ANK1: variants seen among roughly 807,000 people sequenced by gnomAD.
ANK1 encodes ankyrin-1.
ANK1 carries 51 observed loss-of-function variants against 210.4 expected under a neutral mutation model. That is an observed-to-expected ratio of 0.24 (90% CI 0.19 to 0.31). The LOEUF is 0.31. Ranked by LOEUF, ANK1 falls within the 10% of genes least tolerant of loss-of-function variation. ANK1 has a pLI of 1.00. For missense variants in ANK1, 2,051 were observed against 2,504.4 expected, an observed-to-expected ratio of 0.82 and a Z score of 3.86; for synonymous variants, 967 against 1,025.9, an observed-to-expected ratio of 0.94 and a Z score of 1.10.
chr8:41,773,414 G>T (rs3886945), intron 1 of ANK1, among the ~76,000 whole-genome samples: 68,291 of 151,866 alleles, frequency 0.45, 16,314 homozygotes, highest in African/African-American at 0.62. Context: ...GGGAGGGAAG[G>T]GGGGAGGCAC....
intron 12 of ANK1, 124 bp from the exon 13 acceptor site, chr8:41,717,175 C>T: frequency 1.1e-6 from 1 of 931,024 alleles, no homozygotes; most frequent in Non-Finnish European, 1.7e-6. Context: ...GGAGTTGCCC[C>T]AGCAGGCAGC....
At chr8:41,836,525 AGGT>A (rs964724449) in intron 1 of ANK1, among the ~76,000 whole-genome samples, 4 of 152,142 alleles carry the variant, frequency 2.6e-5, no homozygotes, top group African/African-American at 9.7e-5. Flanking sequence ...CCCTCCCCTG[AGGT>A]GGTGGTGGGC....
At chr8:41,849,060 C>T (rs1235969306) in intron 1 of ANK1, among the ~76,000 whole-genome samples, 2 of 152,226 alleles carry the variant, frequency 1.3e-5, no homozygotes, top group Non-Finnish European at 2.9e-5. Flanking sequence ...GAATCAAACC[C>T]AAAGAGAATT....
rs774681379 is a variant in ANK1, at chr8:41,654,815, T to C, written c.*975A>G. 1.3e-5 allele frequency: 2 copies of C among 152,748 alleles called. No homozygotes were observed. Among genetic ancestry groups the C allele is most frequent in the Admixed American group, 6.5e-5 (1 of 15,286 alleles). The allele number at this position is 152,748 out of a possible 1,614,324, so 9.5% of individuals were successfully genotyped here. ...GAAGACATAGAAAACCTCTTCTCTA[T>C]GGACATGCTGGTGCAATCCTGGGTC... On this transcript the variant is annotated 3_prime_UTR_variant, in exon 43 of 43. Transcript: ENST00000289734.
intron 31 of ANK1, 119 bp from the exon 32 acceptor site, chr8:41,690,718 G>A: frequency 6.8e-7 from 1 of 1,468,688 alleles, no homozygotes; most frequent in Non-Finnish European, 9.4e-7. Context: ...AGGCATGCGG[G>A]TGTGTGCTGA....
chr8:41,808,142 A>G (rs1171276187), intron 1 of ANK1, among the ~76,000 whole-genome samples: 1 of 152,182 alleles, frequency 6.6e-6, no homozygotes, highest in Non-Finnish European at 1.5e-5. Flanking sequence ...CACCTCCTCT[A>G]TGAGTGCAGC....
chr8:41,896,240 A>C, intron 1 of ANK1: 1 of 1,340,242 alleles, frequency 7.5e-7, no homozygotes, highest in Admixed American at 4.0e-5. Context: ...GGGTGCCGCC[A>C]ACTCCGCCGC....
At position 41,698,218 on chromosome 8, in the gene ANK1, C is replaced by T. The variant is rs55935493; in HGVS notation, c.2559-97G>A. On this transcript the variant is annotated intron_variant, in intron 23 of 42. Coordinates refer to ENST00000289734, the MANE Select transcript of ANK1 (RefSeq NM_000037.4). ...CCAAGCCTCTCCCTCCGGCTTTCCACTCCAGAGCCTGACTGCGCTTCACAA... is the reference window on the plus strand; with the variant it reads ...CCAAGCCTCTCCCTCCGGCTTTCCATTCCAGAGCCTGACTGCGCTTCACAA... The T allele has an allele frequency of 0.03, 39,382 of 1,304,376 alleles. 756 individuals are homozygous for T. The highest frequency in any genetic ancestry group is 0.057 in the African/African-American group (3,946 of 68,724). 80.8% of individuals were successfully genotyped at this position (1,304,376 alleles called of 1,614,324 possible).
At chr8:41,876,737 G>A (rs1587572256) in intron 1 of ANK1, among the ~76,000 whole-genome samples, 1 of 152,202 alleles carries the variant, frequency 6.6e-6, no homozygotes, top group African/African-American at 2.4e-5. Flanking sequence ...ACAGGGAGAT[G>A]AAGATGAAAG....
intron 9 of ANK1, 128 bp downstream of exon 9, chr8:41,722,989 TTGTAATAA>T (rs2150651421): frequency 1.2e-6 from 1 of 834,390 alleles, no homozygotes; most frequent in African/African-American, 1.7e-5. Context: ...GTGATAGGCC[TTGTAATAA>T]ATGTCAAAGG....
At chr8:41,696,186 G>A (rs543032809) in intron 26 of ANK1, among the ~76,000 whole-genome samples, 177 bp downstream of exon 26, 98 of 152,264 alleles carry the variant, frequency 6.4e-4, no homozygotes, top group African/African-American at 2.1e-3. Flanking sequence ...TATCGTGCCC[G>A]ACCTGAGATC....
At chr8:41,747,943 G>T (rs148683167) in intron 2 of ANK1, among the ~76,000 whole-genome samples, 17 of 152,272 alleles carry the variant, frequency 1.1e-4, no homozygotes, top group African/African-American at 3.4e-4. Context: ...GCAATAACAG[G>T]CTTGCTGCGC....
chr8:41,767,117 G>T (rs1056492187), intron 1 of ANK1, among the ~76,000 whole-genome samples: 1 of 152,042 alleles, frequency 6.6e-6, no homozygotes, highest in African/African-American at 2.4e-5. Context: ...CTCCGCGGCC[G>T]CAGCCTTCAG....
intron 1 of ANK1, among the ~76,000 whole-genome samples, chr8:41,767,473 G>A (rs13266603): frequency 0.13 from 19,979 of 151,626 alleles, 1,352 homozygotes; most frequent in South Asian, 0.14. Flanking sequence ...AAGTTACGCG[G>A]CATCTGGCTA....
Position 41,653,638 on chromosome 8 carries a change from A to C in ANK1, c.*2152T>G, listed in dbSNP as rs543817. ...ATCGAGGCGGGAGAGGCGAGCCCTG[A>C]GCCCAGCTTCCTTGGGCCGTCACCG... On this transcript the variant is annotated 3_prime_UTR_variant, in exon 43 of 43. Transcript: ENST00000289734. 0.99 allele frequency: 150,332 copies of C among 152,592 alleles called. 74,088 individuals are homozygous for C. The highest frequency in any genetic ancestry group is 1 in the East Asian group (5,142 of 5,142). The allele number at this position is 152,592 out of a possible 1,614,324, so 9.5% of individuals were successfully genotyped here. A position where few individuals can be genotyped will look rare whatever the true frequency, so the allele number is the denominator to read the frequency against.
At chr8:41,684,522 A>T in intron 37 of ANK1, 22 bp downstream of exon 37, 1 of 1,613,344 alleles carries the variant, frequency 6.2e-7, no homozygotes, top group South Asian at 1.1e-5. Flanking sequence ...CTCAGTCCCC[A>T]TCTGGTCCAG....
intron 2 of ANK1, among the ~76,000 whole-genome samples, chr8:41,746,253 T>C (rs1836098382): frequency 6.6e-6 from 1 of 152,074 alleles, no homozygotes; most frequent in Admixed American, 6.6e-5. Context: ...CTGCTAAAAA[T>C]ATATGATCTT....
Position 41,701,609 on chromosome 8 carries a change from T to C in ANK1, c.2402A>G (p.Lys801Arg). The change falls in exon 22 of 43, where the codon AAG becomes AGG. Residue 801 changes from lysine to arginine, a missense_variant. Around this residue, in one of 6 missense-constraint regions of ANK1, gnomAD observed 1,413 missense variants for 1,707.4 expected, o/e 0.83. Coordinates refer to ENST00000289734, the MANE Select transcript of ANK1 (RefSeq NM_000037.4). ...TGTCTCAGGGAAACTCATTCGATGCTTATCACTGACTAACTAAAACGAGAA... is the reference window on the plus strand; with the variant it reads ...TGTCTCAGGGAAACTCATTCGATGCCTATCACTGACTAACTAAAACGAGAA... ...DETSFVLVSD[K>R]HRMSFPETVD... 2 of 1,614,098 alleles carry C rather than the reference T, an allele frequency of 1.2e-6. No individual in the cohort carries two copies. The highest frequency in any genetic ancestry group is 1.7e-6 in the Non-Finnish European group (2 of 1,179,990).
intron 14 of ANK1, 96 bp downstream of exon 14, chr8:41,715,555 AG>A (rs1827391524): frequency 6.9e-7 from 1 of 1,452,258 alleles, no homozygotes; most frequent in Non-Finnish European, 9.4e-7. Context: ...AGCATCATTG[AG>A]GTGACAAAGA....
Sources: gnomAD v4.1 joint callset for allele counts (sites outside exome capture counted in the v4.1 genomes callset) on GRCh38, gnomAD v4.1.1 for gene constraint, gnomAD v4.1.1 regional missense constraint, MANE v1.5 for transcripts, NCBI Gene and HGNC (gene_info 2026-07-23, HGNC 2026-07-21) for gene names.